DNM2: variants seen among roughly 807,000 people sequenced by gnomAD.
The protein encoded by DNM2 is dynamin-2.
DNM2 carries 15 observed loss-of-function variants against 99.0 expected under a neutral mutation model. The observed-to-expected ratio is 0.15, with a 90% CI of 0.10 to 0.23. The LOEUF (loss-of-function observed/expected upper bound fraction) is 0.23, where lower values mean the gene tolerates loss of function less well. Among genes scored for constraint, DNM2 ranks in the 10% least tolerant of loss-of-function variants. The pLI is 1.00. For missense variants in DNM2, 742 were observed against 1,189.4 expected (o/e 0.62, Z 5.53); for synonymous variants, 525 against 481.2 (o/e 1.09, Z -1.19).
intron 19 of DNM2, among the ~76,000 whole-genome samples, chr19:10,829,513 G>A (rs2073260034): frequency 6.6e-6 from 1 of 152,184 alleles, no homozygotes. Flanking sequence ...CTCTGCTGGT[G>A]CCTTCCATTG....
At chr19:10,806,665 C>T (rs538607895) in intron 13 of DNM2, among the ~76,000 whole-genome samples, 13 of 152,080 alleles carry the variant, frequency 8.5e-5, no homozygotes, top group East Asian at 3.9e-4. Context: ...TGGTGGCACG[C>T]GCCTGTAATC....
At chr19:10,800,749 A>G (rs974236724) in intron 11 of DNM2, among the ~76,000 whole-genome samples, 6 of 152,260 alleles carry the variant, frequency 3.9e-5, no homozygotes, top group African/African-American at 1.2e-4. Context: ...ATGGGAATCA[A>G]GCCAGTGAGC....
chr19:10,724,830 C>T (rs1252154385), intron 1 of DNM2, among the ~76,000 whole-genome samples: 1 of 152,192 alleles, frequency 6.6e-6, no homozygotes, highest in Admixed American at 6.5e-5. Flanking sequence ...ATGTAGGCGC[C>T]CCGTGCCATT....
At chr19:10,823,635 C>T (rs948198091) in intron 16 of DNM2, 153 bp from the exon 17 acceptor site, 77 of 691,870 alleles carry the variant, frequency 1.1e-4, no homozygotes, top group Non-Finnish European at 1.9e-4. Context: ...GTAGGCGTCA[C>T]TCACGGTGAC....
At chr19:10,754,390 C>A (rs1448629279) in intron 1 of DNM2, among the ~76,000 whole-genome samples, 1 of 150,672 alleles carries the variant, frequency 6.6e-6, no homozygotes. Context: ...GTAGCTGGGA[C>A]TACAGGCACC....
At chr19:10,734,446 C>T (rs1344678324) in intron 1 of DNM2, among the ~76,000 whole-genome samples, 1 of 151,076 alleles carries the variant, frequency 6.6e-6, no homozygotes, top group Non-Finnish European at 1.5e-5. Context: ...TTTAGACCAG[C>T]CTGGGCAATA....
chr19:10,723,908 A>G (rs546155264), intron 1 of DNM2, among the ~76,000 whole-genome samples: 8 of 152,244 alleles, frequency 5.3e-5, no homozygotes, highest in Admixed American at 2.6e-4. Context: ...CCTGGGCAAC[A>G]TAGACCCCGT....
intron 1 of DNM2, among the ~76,000 whole-genome samples, chr19:10,728,826 C>T (rs569521624): frequency 1.9e-4 from 29 of 151,442 alleles, no homozygotes; most frequent in African/African-American, 5.1e-4. Context: ...ACTTGTCTGT[C>T]GTCCCAGCTA....
In DNM2 at chr19:10,820,557, GAGAA is replaced by G; in HGVS notation, c.1781+471_1781+474del. Among the ~76,000 whole-genome samples, 1 of 152,360 alleles carries G rather than the reference GAGAA, an allele frequency of 6.6e-6. No homozygotes were observed. Among genetic ancestry groups the G allele is most frequent in the Non-Finnish European group, 1.5e-5 (1 of 68,032 alleles). ...AGCCCTGGTGGGCATGGATATGAGAGAGAAAGGCACCAATTGTGACCCTGAGTAC... is the reference window on the plus strand; with the variant it reads ...AGCCCTGGTGGGCATGGATATGAGAGAGGCACCAATTGTGACCCTGAGTAC... On this transcript the variant is annotated intron_variant, in intron 16 of 20. Coordinates refer to ENST00000389253, the MANE Select transcript of DNM2 (RefSeq NM_001005361.3). This position sits in a 1 kb window ranked among gnomAD's most constrained non-coding sequence, Gnocchi z 4.3.
intron 2 of DNM2, among the ~76,000 whole-genome samples, chr19:10,771,271 T>A (rs2070968974): frequency 6.6e-6 from 1 of 152,238 alleles, no homozygotes; most frequent in African/African-American, 2.4e-5. Flanking sequence ...ATTTGCTTTG[T>A]CCTCAATCTG....
Position 10,808,565 on chromosome 19 carries a change from A to G in DNM2, c.1546-4A>G. On this transcript the variant is annotated splice_polypyrimidine_tract_variant and splice_region_variant and intron_variant, in intron 13 of 20. Coordinates refer to ENST00000389253, the MANE Select transcript of DNM2 (RefSeq NM_001005361.3). ...CCCACAACCCTAACTTTGCATATTC[A>G]AAGGGGGAGATCCTGGTAAGTACAT... is the stretch of plus-strand genomic sequence containing the variant. 9 of 1,612,310 alleles carry G rather than the reference A, an allele frequency of 5.6e-6. No homozygotes were observed. Among genetic ancestry groups the G allele is most frequent in the Non-Finnish European group, 7.6e-6 (9 of 1,179,232 alleles).
In DNM2 at chr19:10,718,224, G is replaced by T. The variant is rs753599004; in HGVS notation, c.-19G>T. On this transcript the variant is annotated 5_prime_UTR_variant, in exon 1 of 21. Transcript: ENST00000389253. ...CGGGCGAGGAGCGCAGGGCGCTCGG[G>T]CCGGGGGCCGCCGGCGCCATGGGCA... The T allele has an allele frequency of 6.8e-7, 1 of 1,462,610 alleles. No homozygotes were observed. Among genetic ancestry groups the T allele is most frequent in the Non-Finnish European group, 9.1e-7 (1 of 1,104,690 alleles). The allele number at this position is 1,462,610 out of a possible 1,614,324, so 90.6% of individuals were successfully genotyped here.
chr19:10,804,943 C>G (rs1479591121), intron 12 of DNM2, among the ~76,000 whole-genome samples: 2 of 151,938 alleles, frequency 1.3e-5, no homozygotes, highest in Non-Finnish European at 2.9e-5. Flanking sequence ...TCAGCCAAAG[C>G]AATAAGAAAA....
At chr19:10,787,570 C>T (rs2145982521) in intron 7 of DNM2, among the ~76,000 whole-genome samples, 1 of 150,208 alleles carries the variant, frequency 6.7e-6, no homozygotes, top group South Asian at 2.1e-4. Flanking sequence ...ATTGAGACCA[C>T]GGTGAAACCC....
chr19:10,797,308 C>G, intron 9 of DNM2, 72 bp from the exon 10 acceptor site: 1 of 1,594,280 alleles, frequency 6.3e-7, no homozygotes, highest in Non-Finnish European at 8.5e-7. Context: ...CTCTCTGTCT[C>G]CTGTCCTGCG....
Position 10,830,664 on chromosome 19 carries a change from CCACT to C in DNM2, c.2543+287_2543+290del, listed in dbSNP as rs2073312410. Reference sequence around the variant, plus strand: ...GAACCCTCACACTGGGCACCTCCTCCCACTGTTTACCTTCTTCTCCTTCCTGCTC... The same window carrying C: ...GAACCCTCACACTGGGCACCTCCTCCGTTTACCTTCTTCTCCTTCCTGCTC... On this transcript the variant is annotated intron_variant, in intron 20 of 20. Coordinates refer to ENST00000389253, the MANE Select transcript of DNM2 (RefSeq NM_001005361.3). The surrounding 1 kb of genome is among the most constrained non-coding windows in gnomAD (Gnocchi z 4.8). The C allele has an allele frequency of 3.4e-6, 2 of 584,484 alleles. No individual in the cohort carries two copies. Among genetic ancestry groups the C allele is most frequent in the African/African-American group, 3.7e-5 (2 of 53,566 alleles). 36.2% of individuals were successfully genotyped at this position (584,484 alleles called of 1,614,324 possible).
At chr19:10,758,308 TCCCTCCTTCCTTCCC>T (rs1157642214) in intron 1 of DNM2, among the ~76,000 whole-genome samples, 14 of 141,582 alleles carry the variant, frequency 9.9e-5, no homozygotes, top group African/African-American at 2.1e-4. Context: ...CCTCCTTCCC[TCCCTCCTTCCTTCCC>T]TCCCTCCTTC....
At chr19:10,819,384 T>G (rs940164791) in intron 15 of DNM2, among the ~76,000 whole-genome samples, 2 of 152,186 alleles carry the variant, frequency 1.3e-5, no homozygotes, top group Admixed American at 1.3e-4. Context: ...TGCCTCAGTC[T>G]TCCCCTCTGT....
rs995529796 is a variant in DNM2, at chr19:10,732,565, A to T, written c.161+14162A>T. Among the ~76,000 whole-genome samples, 7 of 151,778 alleles carry T rather than the reference A, an allele frequency of 4.6e-5. No individual in the cohort carries two copies. The South Asian group carries it at 1.5e-3, about 32-fold the overall frequency. The stretch of plus-strand genomic sequence containing the variant: ...CAGTGAGCCGAGATCGCGCCACTGC[A>T]CTCCCGCCTGGGTGATAGAGCGAGA... On this transcript the variant is annotated intron_variant, in intron 1 of 20. Coordinates refer to ENST00000389253, the MANE Select transcript of DNM2 (RefSeq NM_001005361.3).
Sources: gnomAD v4.1 joint callset for allele counts (sites outside exome capture counted in the v4.1 genomes callset) on GRCh38, gnomAD v4.1.1 for gene constraint, Gnocchi (gnomAD v3.1) non-coding constraint, MANE v1.5 for transcripts, NCBI Gene and HGNC (gene_info 2026-07-23, HGNC 2026-07-21) for gene names.